The following RGS7BP variants were observed in gnomAD, a reference collection of about 807,000 sequenced individuals.
The protein encoded by RGS7BP is regulator of G protein signaling 7 binding protein, also known as regulator of G protein signaling 7-binding protein.
A neutral mutation model predicts 31.3 loss-of-function variants in RGS7BP; 9 were observed. The ratio of observed to expected loss-of-function variants is 0.29; its 90% confidence interval spans 0.17 to 0.50. The LOEUF (loss-of-function observed/expected upper bound fraction) is 0.50. RGS7BP is among the 20% of genes least tolerant of loss of function. The pLI is 0.98. For synonymous variants in RGS7BP, 115 were observed against 120.1 expected (o/e 0.96, Z 0.28); for missense variants, 274 against 322.0 (o/e 0.85, Z 1.14).
intron 5 of RGS7BP, among the ~76,000 whole-genome samples, chr5:64,600,210 C>T (rs1003646824): frequency 1.3e-5 from 2 of 152,146 alleles, no homozygotes; most frequent in Admixed American, 1.3e-4. Flanking sequence ...ATCAGTAGCA[C>T]GCTGGCCTCT....
At chr5:64,602,476 C>T (rs1463249220) in intron 5 of RGS7BP, among the ~76,000 whole-genome samples, 1 of 152,188 alleles carries the variant, frequency 6.6e-6, no homozygotes, top group Admixed American at 6.5e-5. Flanking sequence ...GAAGAACAGA[C>T]CTCTCACCCC....
At chr5:64,596,871 G>A (rs1351800028) in intron 4 of RGS7BP, among the ~76,000 whole-genome samples, 15 of 152,204 alleles carry the variant, frequency 9.9e-5, no homozygotes, top group East Asian at 1.9e-4. Flanking sequence ...TCCTCAAACC[G>A]TGCTCAACAG....
intron 2 of RGS7BP, among the ~76,000 whole-genome samples, chr5:64,515,015 T>C (rs1748937532): frequency 6.6e-6 from 1 of 152,154 alleles, no homozygotes; most frequent in Non-Finnish European, 1.5e-5. Flanking sequence ...GAAAATTAAA[T>C]CTAAAACTAA....
intron 4 of RGS7BP, 78 bp from the exon 5 acceptor site, chr5:64,598,287 G>A: frequency 2.5e-6 from 2 of 813,248 alleles, no homozygotes; most frequent in East Asian, 4.9e-5. Flanking sequence ...TCTTTCAGTT[G>A]TCTCATATAA....
intron 5 of RGS7BP, among the ~76,000 whole-genome samples, chr5:64,599,651 G>A (rs1743169788): frequency 1.3e-5 from 2 of 152,232 alleles, no homozygotes; most frequent in Non-Finnish European, 1.5e-5. Flanking sequence ...GTAGTGTTTT[G>A]AGAAAGTAGA....
At position 64,516,263 on chromosome 5, in the gene RGS7BP, G is replaced by A. The variant is rs543150909; in HGVS notation, c.332+8386G>A. Among the ~76,000 whole-genome samples, 11 of 152,258 alleles carry A rather than the reference G, an allele frequency of 7.2e-5. No individual in the cohort carries two copies. In the South Asian group the frequency reaches 2.1e-3, roughly 29 times the overall value. The stretch of plus-strand genomic sequence containing the variant: ...ATATACTAACCCAGAAGAAGCCAAA[G>A]CCCTCGTATTCTTCAGTCACTGAGA... On this transcript the variant is annotated intron_variant, in intron 2 of 5. Transcript: ENST00000334025.
chr5:64,515,280 A>G (rs527422473), intron 2 of RGS7BP, among the ~76,000 whole-genome samples: 111 of 152,236 alleles, frequency 7.3e-4, no homozygotes, highest in African/African-American at 2.6e-3. Flanking sequence ...TCTGTTTTTA[A>G]CTCTAAAACC....
At chr5:64,583,197 G>A (rs576077756) in intron 3 of RGS7BP, among the ~76,000 whole-genome samples, 15 of 152,188 alleles carry the variant, frequency 9.9e-5, no homozygotes, top group South Asian at 2.1e-4. Context: ...AGACCAGCCC[G>A]GCCGACGTGG....
Position 64,609,251 on chromosome 5 carries a change from AG to A in RGS7BP, c.*1del, listed in dbSNP as rs1743443201. On this transcript the variant is annotated frameshift_variant and stop_lost, in exon 6 of 6. Transcript: ENST00000334025. LOFTEE classifies it high-confidence loss of function. ...FFGLCCLISS[*>X] The stretch of plus-strand genomic sequence containing the variant: ...GGGCTGTGTTGTCTCATCTCAAGCT[AG>A]GTGGCTCCTCCTGGAAACCCACTGA... The A allele has an allele frequency of 3.2e-6, 5 of 1,575,730 alleles. No individual in the cohort carries two copies. The highest frequency in any genetic ancestry group is 4.4e-6 in the Non-Finnish European group (5 of 1,145,360).
At chr5:64,570,032 T>C (rs1742268824) in intron 2 of RGS7BP, among the ~76,000 whole-genome samples, 1 of 152,142 alleles carries the variant, frequency 6.6e-6, no homozygotes, top group South Asian at 2.1e-4. Context: ...TTATCTGTCA[T>C]CACTAAATTA....
chr5:64,588,119 A>G (rs1190240954), intron 3 of RGS7BP, among the ~76,000 whole-genome samples: 1 of 152,242 alleles, frequency 6.6e-6, no homozygotes, highest in Middle Eastern at 3.2e-3. Context: ...ATGAGTCTGC[A>G]TATTCATAAA....
At chr5:64,518,865 A>G (rs1360971012) in intron 2 of RGS7BP, among the ~76,000 whole-genome samples, 3 of 152,074 alleles carry the variant, frequency 2.0e-5, no homozygotes, top group Non-Finnish European at 2.9e-5. Flanking sequence ...AATTGTATCT[A>G]TGTTCCAGGC....
chr5:64,572,304 T>A (rs1472427993), intron 2 of RGS7BP, among the ~76,000 whole-genome samples: 1 of 152,198 alleles, frequency 6.6e-6, no homozygotes, highest in Non-Finnish European at 1.5e-5. Flanking sequence ...ATAACGCAAA[T>A]GCTCTTAATG....
intron 2 of RGS7BP, among the ~76,000 whole-genome samples, chr5:64,560,667 T>C (rs1247978570): frequency 2.0e-5 from 3 of 152,122 alleles, no homozygotes; most frequent in African/African-American, 7.2e-5. Flanking sequence ...CTCAGCATAA[T>C]ATTTGAAAGC....
At chr5:64,594,234 C>T (rs1329039595) in intron 3 of RGS7BP, among the ~76,000 whole-genome samples, 1 of 152,118 alleles carries the variant, frequency 6.6e-6, no homozygotes, top group African/African-American at 2.4e-5. Flanking sequence ...ATGATCCCTG[C>T]TGCATGCTGA....
chr5:64,587,791 C>T (rs1742797814), intron 3 of RGS7BP, among the ~76,000 whole-genome samples: 1 of 152,194 alleles, frequency 6.6e-6, no homozygotes, highest in African/African-American at 2.4e-5. Context: ...GGGCCAAAAA[C>T]AGGCAGGGTA....
chr5:64,571,020 A>G lies in RGS7BP; in HGVS notation c.333-4754A>G, dbSNP rs780566881. Among the ~76,000 whole-genome samples, 44 of 152,266 alleles carry G rather than the reference A, an allele frequency of 2.9e-4. No homozygotes were observed. In the Middle Eastern group the frequency reaches 0.014, roughly 47 times the overall value. On this transcript the variant is annotated intron_variant, in intron 2 of 5. Coordinates refer to ENST00000334025, the MANE Select transcript of RGS7BP (RefSeq NM_001029875.3). ...ATTCGATACATTTTGCCAAATGTAT[A>G]CACCCGTGTAACTAAACCTCCATCT...
At chr5:64,514,766 C>A (rs1056206413) in intron 2 of RGS7BP, among the ~76,000 whole-genome samples, 20 of 152,076 alleles carry the variant, frequency 1.3e-4, no homozygotes, top group African/African-American at 4.1e-4. Flanking sequence ...AGGTGGTGGC[C>A]CCTCAGTGGT....
chr5:64,518,799 C>T (rs572639179), intron 2 of RGS7BP, among the ~76,000 whole-genome samples: 1 of 152,164 alleles, frequency 6.6e-6, no homozygotes, highest in South Asian at 2.1e-4. Flanking sequence ...ACTGAGATTT[C>T]TGTAGTTCTC....
Sources: gnomAD v4.1 joint callset for allele counts (sites outside exome capture counted in the v4.1 genomes callset) on GRCh38, gnomAD v4.1.1 for gene constraint, MANE v1.5 for transcripts, NCBI Gene and HGNC (gene_info 2026-07-23, HGNC 2026-07-21) for gene names.